NXPH1: variants seen among roughly 807,000 people sequenced by gnomAD.
The protein encoded by NXPH1 is neurexophilin 1.
In NXPH1, 5 loss-of-function variants were observed where a neutral mutation model predicts 23.7. That is an observed-to-expected ratio of 0.21 (90% CI 0.11 to 0.44). NXPH1 has a LOEUF of 0.44. Ranked by LOEUF, NXPH1 falls within the 20% of genes least tolerant of loss-of-function variation. The pLI is 0.99. For synonymous variants in NXPH1, 144 were observed against 122.2 expected (o/e 1.18, Z -1.18); for missense variants, 324 against 321.6 (o/e 1.01, Z -0.06).
chr7:8,485,404 C>T (rs917274040), intron 2 of NXPH1, among the ~76,000 whole-genome samples: 46 of 152,084 alleles, frequency 3.0e-4, no homozygotes, highest in African/African-American at 1.1e-3. Flanking sequence ...ATACACCAAG[C>T]CGAAAACTGA....
At chr7:8,490,530 G>C (rs1167453010) in intron 2 of NXPH1, among the ~76,000 whole-genome samples, 1 of 151,810 alleles carries the variant, frequency 6.6e-6, no homozygotes, top group African/African-American at 2.4e-5. Context: ...AACCTTCTCT[G>C]AGTGAAGGAA....
At chr7:8,580,228 G>A (rs1348065851) in intron 2 of NXPH1, among the ~76,000 whole-genome samples, 1 of 152,166 alleles carries the variant, frequency 6.6e-6, no homozygotes, top group Non-Finnish European at 1.5e-5. Flanking sequence ...TCAAGAATGG[G>A]TATGGGCAAA....
intron 2 of NXPH1, among the ~76,000 whole-genome samples, chr7:8,551,629 G>C (rs1249874840): frequency 6.6e-6 from 1 of 151,308 alleles, no homozygotes; most frequent in African/African-American, 2.4e-5. Context: ...TACAATTTTG[G>C]AAGAAGGGAA....
chr7:8,749,332 T>C (rs1159009229), intron 2 of NXPH1, among the ~76,000 whole-genome samples: 1 of 152,310 alleles, frequency 6.6e-6, no homozygotes, highest in Non-Finnish European at 1.5e-5. Flanking sequence ...GTTAACTAAC[T>C]TGACCAGGGG....
intron 2 of NXPH1, among the ~76,000 whole-genome samples, chr7:8,533,115 T>C (rs888433294): frequency 5.3e-5 from 8 of 152,150 alleles, no homozygotes; most frequent in South Asian, 2.1e-4. Context: ...TGACCTGTTT[T>C]AGGTCACACA....
intron 2 of NXPH1, among the ~76,000 whole-genome samples, chr7:8,607,142 C>T (rs1471740667): frequency 1.3e-5 from 2 of 152,000 alleles, no homozygotes; most frequent in African/African-American, 2.4e-5. Context: ...AAAATTAACT[C>T]GAAGTTTGAA....
intron 2 of NXPH1, among the ~76,000 whole-genome samples, chr7:8,710,638 A>C (rs2115196326): frequency 3.0e-5 from 3 of 100,650 alleles, no homozygotes; most frequent in South Asian, 3.5e-4. Context: ...GTCAACTGTT[A>C]CGTTTTTTGT....
intron 2 of NXPH1, among the ~76,000 whole-genome samples, chr7:8,728,928 T>C (rs1200712416): frequency 8.0e-5 from 12 of 149,818 alleles, no homozygotes; most frequent in Non-Finnish European, 1.7e-4. Flanking sequence ...CAGTTCCTCC[T>C]TGTACCTCTG....
At chr7:8,725,148 T>C (rs1322651448) in intron 2 of NXPH1, among the ~76,000 whole-genome samples, 3 of 152,172 alleles carry the variant, frequency 2.0e-5, no homozygotes, top group African/African-American at 7.2e-5. Context: ...AATAGTGGTG[T>C]TTGATATTCT....
At chr7:8,524,366 T>G (rs1195556860) in intron 2 of NXPH1, among the ~76,000 whole-genome samples, 1 of 152,008 alleles carries the variant, frequency 6.6e-6, no homozygotes, top group Non-Finnish European at 1.5e-5. Context: ...TCTTTTCCCC[T>G]TGAGATGCTA....
chr7:8,679,266 T>G (rs1205274493), intron 2 of NXPH1, among the ~76,000 whole-genome samples: 2 of 152,052 alleles, frequency 1.3e-5, no homozygotes, highest in Non-Finnish European at 2.9e-5. Context: ...CAATTCTTAT[T>G]GGCCCCTAAC....
intron 2 of NXPH1, among the ~76,000 whole-genome samples, chr7:8,453,489 A>T (rs1448662081): frequency 1.3e-5 from 2 of 152,148 alleles, no homozygotes; most frequent in Non-Finnish European, 2.9e-5. Context: ...TAAACTTAGT[A>T]TATGAACAAA....
intron 2 of NXPH1, among the ~76,000 whole-genome samples, chr7:8,681,620 A>G (rs1366520086): frequency 1.3e-5 from 2 of 152,202 alleles, no homozygotes; most frequent in African/African-American, 4.8e-5. Context: ...ACAATACTTC[A>G]GGCATTTCTT....
chr7:8,514,357 T>TA (rs1817656930), intron 2 of NXPH1, among the ~76,000 whole-genome samples: 1 of 152,164 alleles, frequency 6.6e-6, no homozygotes, highest in African/African-American at 2.4e-5. Context: ...TTTTCTCATT[T>TA]AAAAAATCCT....
intron 2 of NXPH1, among the ~76,000 whole-genome samples, chr7:8,460,328 G>C (rs995901177): frequency 1.3e-5 from 2 of 152,144 alleles, no homozygotes; most frequent in Non-Finnish European, 2.9e-5. Flanking sequence ...AAAAGAAGAT[G>C]AAAGTAAAGA....
intron 2 of NXPH1, among the ~76,000 whole-genome samples, chr7:8,581,130 C>T (rs1257960013): frequency 6.6e-6 from 1 of 152,030 alleles, no homozygotes; most frequent in South Asian, 2.1e-4. Context: ...TGAAATTTTC[C>T]CCAGAGGGGT....
chr7:8,461,486 T>C (rs1816693073), intron 2 of NXPH1, among the ~76,000 whole-genome samples: 2 of 152,156 alleles, frequency 1.3e-5, no homozygotes, highest in Admixed American at 6.5e-5. Flanking sequence ...GTTATCTAGG[T>C]CACTGTATTT....
At chr7:8,737,001 C>A (rs1780269192) in intron 2 of NXPH1, among the ~76,000 whole-genome samples, 1 of 151,756 alleles carries the variant, frequency 6.6e-6, no homozygotes, top group Admixed American at 6.6e-5. Context: ...ATTCCTCTAT[C>A]CCTTTATTTT....
intron 2 of NXPH1, among the ~76,000 whole-genome samples, chr7:8,624,357 C>T (rs753504504): frequency 1.3e-5 from 2 of 152,104 alleles, no homozygotes; most frequent in Admixed American, 6.6e-5. Context: ...GAAGGTTGTC[C>T]AGACTCTGAG....
Sources: gnomAD v4.1 joint callset for allele counts (sites outside exome capture counted in the v4.1 genomes callset) on GRCh38, gnomAD v4.1.1 for gene constraint, MANE v1.5 for transcripts, NCBI Gene and HGNC (gene_info 2026-07-23, HGNC 2026-07-21) for gene names.